The following PLCB1 variants were observed in gnomAD, a reference collection of about 807,000 sequenced individuals.
PLCB1 encodes phospholipase C beta 1.
In PLCB1, 46 loss-of-function variants were observed where a neutral mutation model predicts 161.8. That is an observed-to-expected ratio of 0.28 (90% confidence interval 0.22 to 0.36). The LOEUF (loss-of-function observed/expected upper bound fraction) is 0.36, where lower values mean the gene tolerates loss of function less well. Ranked by LOEUF, PLCB1 falls within the 10% of genes least tolerant of loss-of-function variation. The pLI is 1.00. For missense variants in PLCB1, 1,016 were observed against 1,472.5 expected (o/e 0.69, Z 5.07); for synonymous variants, 517 against 503.7 (o/e 1.03, Z -0.35).
At chr20:8,721,429 G>A (rs1207081339) in intron 14 of PLCB1, among the ~76,000 whole-genome samples, 3 of 152,084 alleles carry the variant, frequency 2.0e-5, no homozygotes, top group Admixed American at 6.5e-5. Flanking sequence ...TTTATATAAC[G>A]GATATTTCTG....
intron 3 of PLCB1, among the ~76,000 whole-genome samples, chr20:8,536,033 C>T (rs1985037567): frequency 6.6e-6 from 1 of 151,524 alleles, no homozygotes; most frequent in Non-Finnish European, 1.5e-5. Flanking sequence ...TTTCAGGCAC[C>T]ACTAAACTTG....
chr20:8,873,567 T>C (rs1987678445), intron 31 of PLCB1, among the ~76,000 whole-genome samples: 1 of 152,080 alleles, frequency 6.6e-6, no homozygotes, highest in Non-Finnish European at 1.5e-5. Context: ...ACCATAAAAG[T>C]GAGAAATAGA....
At chr20:8,325,224 A>C (rs867633393) in intron 2 of PLCB1, among the ~76,000 whole-genome samples, 1 of 152,174 alleles carries the variant, frequency 6.6e-6, no homozygotes, top group African/African-American at 2.4e-5. Flanking sequence ...TCTGAAAAAC[A>C]GTGTTTTAGA....
chr20:8,583,532 T>A (rs1986897718), intron 3 of PLCB1, among the ~76,000 whole-genome samples: 1 of 152,162 alleles, frequency 6.6e-6, no homozygotes, highest in Non-Finnish European at 1.5e-5. Flanking sequence ...GAACATATAA[T>A]CTCCAGTACA....
At chr20:8,283,866 C>T (rs954018986) in intron 2 of PLCB1, among the ~76,000 whole-genome samples, 1 of 151,946 alleles carries the variant, frequency 6.6e-6, no homozygotes, top group South Asian at 2.1e-4. Context: ...GGTAATTTGT[C>T]TATCTGGTTT....
chr20:8,678,369 A>G (rs1426307653), intron 9 of PLCB1, among the ~76,000 whole-genome samples: 1 of 152,206 alleles, frequency 6.6e-6, no homozygotes, highest in Non-Finnish European at 1.5e-5. Context: ...CTCATCTTTC[A>G]TGGTGGTAAG....
At chr20:8,730,062 G>A (rs1980152994) in intron 18 of PLCB1, among the ~76,000 whole-genome samples, 1 of 151,868 alleles carries the variant, frequency 6.6e-6, no homozygotes, top group East Asian at 1.9e-4. Flanking sequence ...ACATATTCAG[G>A]ACTATCGTCA....
At chr20:8,501,502 C>T (rs930763653) in intron 3 of PLCB1, among the ~76,000 whole-genome samples, 7 of 152,224 alleles carry the variant, frequency 4.6e-5, no homozygotes, top group African/African-American at 1.7e-4. Context: ...AGGGCTTGCT[C>T]AACCCTCTCC....
rs2122994417 is a variant in PLCB1, at chr20:8,551,722, T to C, written c.247-76572T>C. ...CATGGTGAAGTCCTGGTTCCCACAG[T>C]GGTAGCTTGCTCAACAGTGCAGCCC... On this transcript the variant is annotated intron_variant, in intron 3 of 31. Transcript: ENST00000338037. 2.6e-5 allele frequency among the ~76,000 whole-genome samples: 4 copies of C among 152,272 alleles called. 1 individual carries two copies. The South Asian group carries it at 8.3e-4, about 32-fold the overall frequency.
At position 8,649,466 on chromosome 20, in the gene PLCB1, T is replaced by C; in HGVS notation, c.594+17T>C. On this transcript the variant is annotated intron_variant, in intron 7 of 31. Transcript: ENST00000338037. ...TCTTCAAGGGTGAGCATGTGTGTTA[T>C]GCTATAGTTTGAATGTTCAGCCCCT... 6.3e-7 allele frequency: 1 copy of C among 1,577,506 alleles called. No homozygotes were observed. The highest frequency in any genetic ancestry group is 1.7e-4 in the Middle Eastern group (1 of 5,996).
At chr20:8,732,076 TG>T (rs1164517693) in intron 18 of PLCB1, 32 of 152,188 alleles carry the variant, frequency 2.1e-4, no homozygotes, top group African/African-American at 7.7e-4. Context: ...TTGCAATATG[TG>T]TGAACGTTCA....
At chr20:8,562,339 T>A (rs1986168476) in intron 3 of PLCB1, among the ~76,000 whole-genome samples, 1 of 152,052 alleles carries the variant, frequency 6.6e-6, no homozygotes, top group South Asian at 2.1e-4. Context: ...TGCTCAGCGG[T>A]CCTAATGTTT....
At chr20:8,701,819 C>G (rs1049009840) in intron 11 of PLCB1, among the ~76,000 whole-genome samples, 1 of 152,176 alleles carries the variant, frequency 6.6e-6, no homozygotes, top group Non-Finnish European at 1.5e-5. Flanking sequence ...CTCTGCTCAT[C>G]AGATAAGTGA....
intron 2 of PLCB1, among the ~76,000 whole-genome samples, chr20:8,266,191 T>C (rs1046175302): frequency 6.6e-6 from 1 of 152,172 alleles, no homozygotes; most frequent in Admixed American, 6.6e-5. Flanking sequence ...TTACTTGTAG[T>C]TTCTAGTAAT....
chr20:8,460,598 C>T (rs1981534666), intron 3 of PLCB1, among the ~76,000 whole-genome samples: 1 of 152,174 alleles, frequency 6.6e-6, no homozygotes. Flanking sequence ...ATAGGATGGC[C>T]ATGATCTTTA....
At chr20:8,830,858 T>A (rs568766658) in intron 31 of PLCB1, among the ~76,000 whole-genome samples, 26 of 152,222 alleles carry the variant, frequency 1.7e-4, no homozygotes, top group African/African-American at 6.0e-4. Flanking sequence ...ACATAGCCAT[T>A]AGAAGCACAC....
chr20:8,297,199 A>G (rs951366658), intron 2 of PLCB1, among the ~76,000 whole-genome samples: 23 of 152,278 alleles, frequency 1.5e-4, no homozygotes, highest in African/African-American at 5.1e-4. Flanking sequence ...ATATATTTAT[A>G]CATATGCATG....
At chr20:8,318,457 T>G (rs530136972) in intron 2 of PLCB1, among the ~76,000 whole-genome samples, 2 of 134,450 alleles carry the variant, frequency 1.5e-5, no homozygotes, top group East Asian at 5.2e-4. Flanking sequence ...GCCCCCCCCC[T>G]TTTTCTTTGG....
chr20:8,770,194 C>T (rs1228695622), intron 26 of PLCB1, among the ~76,000 whole-genome samples: 1 of 152,176 alleles, frequency 6.6e-6, no homozygotes, highest in Admixed American at 6.5e-5. Flanking sequence ...CCTCGTGATC[C>T]GCCCACCTCG....
Sources: allele counts gnomAD v4.1 joint callset (sites outside exome capture counted in the v4.1 genomes callset), GRCh38; gene constraint gnomAD v4.1.1; transcripts MANE v1.5; gene names NCBI Gene and HGNC (gene_info 2026-07-23, HGNC 2026-07-21).